RIMS3: variants seen among roughly 807,000 people sequenced by gnomAD.
RIMS3 encodes regulating synaptic membrane exocytosis 3.
Under a neutral mutation model 29.2 loss-of-function variants are expected in RIMS3, and 15 were observed. The observed-to-expected ratio is 0.51, with a 90% CI of 0.34 to 0.79. The LOEUF (loss-of-function observed/expected upper bound fraction) is 0.79. RIMS3 is among the 30% of genes least tolerant of loss of function. RIMS3 has a pLI of 0.01. For missense variants in RIMS3, 342 were observed against 421.4 expected (o/e 0.81, Z 1.65); for synonymous variants, 161 against 170.1 (o/e 0.95, Z 0.41).
chr1:40,683,276 A>C, the RIMS3 span, among the ~76,000 whole-genome samples: 1 of 152,216 alleles, frequency 6.6e-6, no homozygotes, highest in East Asian at 1.9e-4. Context: ...CCAAAACTCA[A>C]GTTGAAATTT....
chr1:40,640,429 C>T (rs989748195), intron 3 of RIMS3, among the ~76,000 whole-genome samples: 41 of 152,294 alleles, frequency 2.7e-4, no homozygotes, highest in African/African-American at 8.7e-4. Flanking sequence ...CTACTGTCGA[C>T]GGCTTTGTAT....
At chr1:40,629,049 G>T in intron 6 of RIMS3, 100 bp from the exon 7 acceptor site, 2 of 1,484,166 alleles carry the variant, frequency 1.3e-6, no homozygotes, top group African/African-American at 1.4e-5. Context: ...TGAGCAGGAT[G>T]TGTGGAATGA....
rs1391621072 is a variant in RIMS3, at chr1:40,626,573, T to G, written c.871A>C (p.Thr291Pro). 6.2e-7 allele frequency: 1 copy of G among 1,613,742 alleles called. No homozygotes were observed. The highest frequency in any genetic ancestry group is 2.2e-5 in the East Asian group (1 of 44,868). ...SVADSTLGSL[T>P]RRLSQSSLES... ...AGGGAAGACTGGGACAGGCGCCTGG[T>G]GAGGGATCCGAGTGTGGAGTCTGCC... Residue 291 changes from threonine (T) to proline (P), a missense_variant, in exon 8 of 8, where the codon ACC (threonine) becomes CCC (proline). By Grantham distance (38) the Thr-to-Pro change is conservative. Coordinates refer to ENST00000372684, the MANE Select transcript of RIMS3 (RefSeq NM_014747.3).
At position 40,635,939 on chromosome 1, in the gene RIMS3, G is replaced by T; in HGVS notation, c.336C>A (p.Thr112=). The change falls in exon 4 of 8, where the codon ACC becomes ACA. Residue 112 remains threonine (T), a synonymous_variant. Transcript: ENST00000372684. This position sits in a 1 kb window ranked among gnomAD's most constrained non-coding sequence, Gnocchi z 4.1. ...QGSRESTDGS[T]NSNSSDGTFI... ...ACGTGCCGTCGGAGCTGTTGCTGTT[G>T]GTGCTCCCATCGGTGGACTCCCGGC... The T allele has an allele frequency of 1.2e-6, 2 of 1,612,960 alleles. No homozygotes were observed. Among genetic ancestry groups the T allele is most frequent in the Non-Finnish European group, 1.7e-6 (2 of 1,179,964 alleles).
chr1:40,689,621 G>A, the RIMS3 span, among the ~76,000 whole-genome samples: 2 of 152,110 alleles, frequency 1.3e-5, no homozygotes, highest in Admixed American at 1.3e-4. Flanking sequence ...GTCAAAACAA[G>A]GCCAAGCTTG....
chr1:40,639,535 A>G (rs186637713), intron 3 of RIMS3, among the ~76,000 whole-genome samples: 1 of 152,236 alleles, frequency 6.6e-6, no homozygotes, highest in East Asian at 1.9e-4. Flanking sequence ...ACTATGTGCC[A>G]GGCATGAAGC....
intron 3 of RIMS3, among the ~76,000 whole-genome samples, chr1:40,638,316 T>C (rs1646533795): frequency 3.9e-5 from 6 of 152,314 alleles, no homozygotes; most frequent in Admixed American, 2.0e-4. Flanking sequence ...AGAAAGCTCT[T>C]GCAATCTCAG....
chr1:40,628,719 C>T, intron 7 of RIMS3, 91 bp downstream of exon 7: 3 of 1,550,596 alleles, frequency 1.9e-6, no homozygotes, highest in Non-Finnish European at 2.7e-6. Flanking sequence ...TACCACAGCA[C>T]CTGGCACAGG....
At chr1:40,670,609 T>TATATATATATATATATATATATA (rs55692608), upstream of RIMS3, among the ~76,000 whole-genome samples, 129 of 135,698 alleles carry the variant, frequency 9.5e-4, no homozygotes, top group African/African-American at 1.3e-3. Flanking sequence ...TATATATATA[T>TATATATATATATATATATATATA]TTGAGATGGA....
the RIMS3 span, among the ~76,000 whole-genome samples, chr1:40,688,223 A>C: frequency 6.6e-6 from 1 of 152,078 alleles, no homozygotes; most frequent in Non-Finnish European, 1.5e-5. Flanking sequence ...TCAGCCTCCC[A>C]AAGTGCTGGA....
rs1165142759 is a variant in RIMS3, at chr1:40,623,889, A to G, written c.*2628T>C. On this transcript the variant is annotated 3_prime_UTR_variant, in exon 8 of 8. Transcript: ENST00000372684. ...CTCATGGGGTAAAATCCAGGTGGGG[A>G]TGAGTAACTTATTTGGTGCAAAGGG... 7.4e-5 allele frequency: 16 copies of G among 215,830 alleles called. No individual in the cohort carries two copies. The allele number at this position is 215,830 out of a possible 1,614,324, so 13.4% of individuals were successfully genotyped here.
chr1:40,684,634 G>A, the RIMS3 span, among the ~76,000 whole-genome samples: 6 of 152,232 alleles, frequency 3.9e-5, no homozygotes, highest in Non-Finnish European at 8.8e-5. Flanking sequence ...GGAAATGTTT[G>A]CTGGCTACTT....
chr1:40,662,506 G>A (rs944223051), intron 1 of RIMS3, among the ~76,000 whole-genome samples: 1 of 152,190 alleles, frequency 6.6e-6, no homozygotes, highest in Non-Finnish European at 1.5e-5. Context: ...TGAGGGCAGG[G>A]GCCGCCTGGC....
Position 40,654,261 on chromosome 1 carries a change from C to G in RIMS3, c.-206-6419G>C. On this transcript the variant is annotated intron_variant, in intron 1 of 7. Transcript: ENST00000372684. This position sits in a 1 kb window ranked among gnomAD's most constrained non-coding sequence, Gnocchi z 5.3. ...CAGCCCCGCACCAAGCCGGAAGGCG[C>G]CGCCCGCGCCTGCTGCCCACCCTGG... Among the ~76,000 whole-genome samples the G allele has an allele frequency of 6.6e-6, 1 of 152,140 alleles. No individual in the cohort carries two copies. The highest frequency in any genetic ancestry group is 1.5e-5 in the Non-Finnish European group (1 of 68,000).
At chr1:40,668,150 C>T (rs972688787), upstream of RIMS3, among the ~76,000 whole-genome samples, 63 of 150,746 alleles carry the variant, frequency 4.2e-4, 1 homozygote, top group East Asian at 7.8e-4. Flanking sequence ...ACTTGGGAGA[C>T]TGAGGCAGGA....
In RIMS3 at chr1:40,625,649, T is replaced by G; in HGVS notation, c.*868A>C. On this transcript the variant is annotated 3_prime_UTR_variant, in exon 8 of 8. Transcript: ENST00000372684. ...GTTTGCTTTAGCAGATAACATGCCCTCTGTGGCTGCCTGCCCAGGCCCACT... is the reference window on the plus strand; with the variant it reads ...GTTTGCTTTAGCAGATAACATGCCCGCTGTGGCTGCCTGCCCAGGCCCACT... 6.6e-6 allele frequency: 1 copy of G among 152,394 alleles called. No homozygotes were observed. Among genetic ancestry groups the G allele is most frequent in the Non-Finnish European group, 1.5e-5 (1 of 68,150 alleles). The allele number at this position is 152,394 out of a possible 1,614,324, so 9.4% of individuals were successfully genotyped here. A position where few individuals can be genotyped will look rare whatever the true frequency, so the allele number is the denominator to read the frequency against.
In RIMS3 at chr1:40,635,474, T is replaced by C. The variant is rs1646513617; in HGVS notation, c.359+442A>G. On this transcript the variant is annotated intron_variant, in intron 4 of 7. Transcript: ENST00000372684. The surrounding 1 kb of genome is among the most constrained non-coding windows in gnomAD (Gnocchi z 4.1). ...CCTGTCTATGAGTCACCATCCATGG[T>C]TTGAAAAACACTGATCTAGTCCAAT... Among the ~76,000 whole-genome samples, 1 of 152,208 alleles carries C rather than the reference T, an allele frequency of 6.6e-6. No homozygotes were observed. Among genetic ancestry groups the C allele is most frequent in the Non-Finnish European group, 1.5e-5 (1 of 68,028 alleles).
chr1:40,629,651 GCTAA>G (rs972479891), intron 5 of RIMS3, among the ~76,000 whole-genome samples: 20 of 152,152 alleles, frequency 1.3e-4, no homozygotes, highest in African/African-American at 4.8e-4. Context: ...TTTGTGTCTG[GCTAA>G]CTGAGAGGCT....
intron 1 of RIMS3, among the ~76,000 whole-genome samples, chr1:40,656,793 A>G (rs2148358990): frequency 6.6e-6 from 1 of 152,108 alleles, no homozygotes; most frequent in Middle Eastern, 3.4e-3. Context: ...CAAAAAAAAA[A>G]AAAAAAAAAG....
Sources: gnomAD v4.1 joint callset for allele counts (sites outside exome capture counted in the v4.1 genomes callset) on GRCh38, gnomAD v4.1.1 for gene constraint, Gnocchi (gnomAD v3.1) non-coding constraint, MANE v1.5 for transcripts, NCBI Gene and HGNC (gene_info 2026-07-23, HGNC 2026-07-21) for gene names.